The following SNTB1 variants were observed in gnomAD, a reference collection of about 807,000 sequenced individuals.
SNTB1 encodes the protein syntrophin beta 1, also known as beta-1-syntrophin.
SNTB1 carries 36 observed loss-of-function variants against 48.9 expected under a neutral mutation model. The observed-to-expected ratio is 0.74, with a 90% CI of 0.56 to 0.97. The LOEUF is 0.97. Among genes scored for constraint, SNTB1 ranks in the 50% least tolerant of loss-of-function variants. The pLI, the probability that SNTB1 is intolerant of heterozygous loss-of-function variation, is 0.00. For synonymous variants in SNTB1, 299 were observed against 294.6 expected, an observed-to-expected ratio of 1.01 and a Z score of -0.15; for missense variants, 786 against 703.4, an observed-to-expected ratio of 1.12 and a Z score of -1.33.
rs1268433269 is a variant in SNTB1 at position 120,632,594 on chromosome 8, G to C, written c.846C>G (p.Asp282Glu). 1 of 1,614,024 alleles carries C rather than the reference G, an allele frequency of 6.2e-7. No homozygotes were observed. The highest frequency in any genetic ancestry group is 1.3e-5 in the African/African-American group (1 of 74,896). The part of the protein sequence containing the change: ...AKHTVILRSK[D>E]SATAQAWFSA... ...TGAACCATGCCTGGGCCGTGGCTGA[G>C]TCCTTGCTCCTTAGGATCACCGTGT... Residue 282 changes from aspartate to glutamate, a missense_variant, in exon 3 of 7, where the codon GAC becomes GAG. Coordinates refer to ENST00000517992, the MANE Select transcript of SNTB1 (RefSeq NM_021021.4).
At chr8:120,808,787 T>C (rs1820380598) in intron 1 of SNTB1, among the ~76,000 whole-genome samples, 1 of 152,032 alleles carries the variant, frequency 6.6e-6, no homozygotes, top group Non-Finnish European at 1.5e-5. Flanking sequence ...AGGTAGTAAC[T>C]CTCCACCAGG....
chr8:120,725,004 T>G (rs1158066270), intron 1 of SNTB1, among the ~76,000 whole-genome samples: 1 of 152,232 alleles, frequency 6.6e-6, no homozygotes, highest in African/African-American at 2.4e-5. Context: ...TTATTTTAGC[T>G]GCAGATGTGA....
At chr8:120,585,594 C>A (rs1165362342) in intron 3 of SNTB1, among the ~76,000 whole-genome samples, 1 of 152,148 alleles carries the variant, frequency 6.6e-6, no homozygotes, top group Admixed American at 6.5e-5. Flanking sequence ...GTAGCTGGGG[C>A]AAAATTGGTC....
At chr8:120,751,128 A>G (rs1347972572) in intron 1 of SNTB1, among the ~76,000 whole-genome samples, 1 of 152,124 alleles carries the variant, frequency 6.6e-6, no homozygotes, top group African/African-American at 2.4e-5. Context: ...CTGATGGAGG[A>G]GAGATGATGA....
chr8:120,763,426 T>C (rs1212780878), intron 1 of SNTB1, among the ~76,000 whole-genome samples: 1 of 152,210 alleles, frequency 6.6e-6, no homozygotes, highest in Non-Finnish European at 1.5e-5. Flanking sequence ...TCCTTGTAGC[T>C]TGTAGTTACA....
At chr8:120,552,308 ACCCTGAACAGGGAGAGC>A (rs1815494055) in intron 4 of SNTB1, among the ~76,000 whole-genome samples, 1 of 152,198 alleles carries the variant, frequency 6.6e-6, no homozygotes, top group Non-Finnish European at 1.5e-5. Context: ...GCTGACCAAT[ACCCTGAACAGGGAGAGC>A]TTAATGGGGA....
Position 120,548,968 on chromosome 8 carries a change from GA to G in SNTB1, c.1137-11del. 4 of 1,536,228 alleles carry G rather than the reference GA, an allele frequency of 2.6e-6. No individual in the cohort carries two copies. In the South Asian group the frequency reaches 5.1e-5, roughly 20 times the overall value. ...ACCTGAATGGACCAGCCTGGAGAGA[GA>G]GAGAGAGAGACATCATCAAAATGGA... is the stretch of plus-strand genomic sequence containing the variant. On this transcript the variant is annotated splice_polypyrimidine_tract_variant and intron_variant, in intron 4 of 6. Transcript: ENST00000517992.
intron 1 of SNTB1, among the ~76,000 whole-genome samples, chr8:120,773,943 G>C (rs1819684751): frequency 6.6e-6 from 1 of 152,220 alleles, no homozygotes; most frequent in Admixed American, 6.5e-5. Flanking sequence ...CTATAGAAAG[G>C]AAACTAATAT....
intron 1 of SNTB1, among the ~76,000 whole-genome samples, chr8:120,718,638 CTAACTGCTTCCGG>C (rs1818602939): frequency 6.6e-6 from 1 of 152,144 alleles, no homozygotes; most frequent in African/African-American, 2.4e-5. Context: ...CCCCTTCCTC[CTAACTGCTTCCGG>C]AAGGGGAAGG....
At chr8:120,799,665 C>T (rs766126129) in intron 1 of SNTB1, among the ~76,000 whole-genome samples, 16 of 151,766 alleles carry the variant, frequency 1.1e-4, no homozygotes, top group Admixed American at 4.6e-4. Context: ...GGGGAGAGTC[C>T]AATGTTCAGT....
chr8:120,577,988 A>C (rs535692832), intron 3 of SNTB1, among the ~76,000 whole-genome samples: 11 of 152,284 alleles, frequency 7.2e-5, no homozygotes, highest in Non-Finnish European at 1.6e-4. Context: ...CTATGGGGAC[A>C]AACAACTTTC....
chr8:120,616,801 T>G (rs1816722452), intron 3 of SNTB1, among the ~76,000 whole-genome samples: 1 of 152,234 alleles, frequency 6.6e-6, no homozygotes, highest in South Asian at 2.1e-4. Context: ...GTAGTTTTTA[T>G]TCTCAATGAT....
At chr8:120,677,127 T>C (rs1449102012) in intron 2 of SNTB1, among the ~76,000 whole-genome samples, 1 of 151,982 alleles carries the variant, frequency 6.6e-6, no homozygotes, top group Non-Finnish European at 1.5e-5. Context: ...GGAAACCTGA[T>C]GCATATGGAA....
chr8:120,542,138 T>A, intron 5 of SNTB1, 138 bp from the exon 6 acceptor site: 1 of 600,522 alleles, frequency 1.7e-6, no homozygotes, highest in Non-Finnish European at 2.8e-6. Context: ...ATAGTCATTG[T>A]TCATGAAAAT....
chr8:120,795,093 T>C (rs1417290941), intron 1 of SNTB1, among the ~76,000 whole-genome samples: 4 of 152,038 alleles, frequency 2.6e-5, no homozygotes, highest in African/African-American at 4.8e-5. Flanking sequence ...GTATGTCCCA[T>C]GCAATATTTG....
chr8:120,595,528 A>G (rs1563826996), intron 3 of SNTB1, among the ~76,000 whole-genome samples: 3 of 152,050 alleles, frequency 2.0e-5, no homozygotes, highest in African/African-American at 7.2e-5. Context: ...AAAATGGGCA[A>G]CCAGGAGCCC....
chr8:120,697,042 G>A (rs770648847), intron 1 of SNTB1, among the ~76,000 whole-genome samples: 1 of 152,224 alleles, frequency 6.6e-6, no homozygotes, highest in African/African-American at 2.4e-5. Flanking sequence ...ACCATTTCCA[G>A]GGCCATAGGG....
At chr8:120,612,246 C>T (rs1816639062) in intron 3 of SNTB1, among the ~76,000 whole-genome samples, 1 of 152,196 alleles carries the variant, frequency 6.6e-6, no homozygotes. Context: ...AAGCACTTTG[C>T]ATGTATTATA....
At chr8:120,788,898 AG>A (rs764576867) in intron 1 of SNTB1, among the ~76,000 whole-genome samples, 14 of 152,082 alleles carry the variant, frequency 9.2e-5, no homozygotes, top group Admixed American at 2.0e-4. Context: ...TGGATCTAAA[AG>A]ACCCTTACAA....
Sources: gnomAD v4.1 joint callset for allele counts (sites outside exome capture counted in the v4.1 genomes callset) on GRCh38, gnomAD v4.1.1 for gene constraint, MANE v1.5 for transcripts, NCBI Gene and HGNC (gene_info 2026-07-23, HGNC 2026-07-21) for gene names.